Variants in ATF3 observed in about 807,000 individuals in gnomAD.
ATF3 encodes cyclic AMP-dependent transcription factor ATF-3.
ATF3 carries 10 observed loss-of-function variants against 18.4 expected under a neutral mutation model. The observed-to-expected ratio is 0.54, with a 90% confidence interval of 0.34 to 0.92. The LOEUF is 0.92. ATF3 is among the 40% of genes least tolerant of loss of function. ATF3 has a pLI of 0.02. For missense variants in ATF3, 183 were observed against 222.3 expected, an observed-to-expected ratio of 0.82 and a Z score of 1.12; for synonymous variants, 78 against 87.9, an observed-to-expected ratio of 0.89 and a Z score of 0.63.
At chr1:212,577,721 C>T (rs1664607304) in intron 1 of ATF3, among the ~76,000 whole-genome samples, 2 of 152,172 alleles carry the variant, frequency 1.3e-5, no homozygotes, top group Admixed American at 6.5e-5. Flanking sequence ...ATAATGTCCT[C>T]CAGATTCATC....
chr1:212,614,396 A>G (rs1002769015), intron 1 of ATF3, among the ~76,000 whole-genome samples: 7 of 152,150 alleles, frequency 4.6e-5, no homozygotes, highest in African/African-American at 1.7e-4. Context: ...GCACCTGGCT[A>G]CAGTTACCTT....
At chr1:212,608,078 T>A (rs1571781637), upstream of ATF3, among the ~76,000 whole-genome samples, 1 of 152,100 alleles carries the variant, frequency 6.6e-6, no homozygotes, top group Non-Finnish European at 1.5e-5. Context: ...CTTCTCGCGG[T>A]CCCCGCCGCA....
At chr1:212,598,632 G>C (rs550716367) in intron 1 of ATF3, among the ~76,000 whole-genome samples, 11 of 152,198 alleles carry the variant, frequency 7.2e-5, no homozygotes, top group African/African-American at 2.4e-4. Context: ...CCAGCCTCTG[G>C]TAACCATCCT....
intron 1 of ATF3, among the ~76,000 whole-genome samples, chr1:212,566,803 C>G (rs685330): frequency 0.29 from 44,390 of 152,056 alleles, 6,728 homozygotes; most frequent in South Asian, 0.35. Flanking sequence ...ATTGAGCAGC[C>G]TCCTGGTTCC....
intron 1 of ATF3, among the ~76,000 whole-genome samples, chr1:212,601,787 T>C (rs796562334): frequency 1.6e-4 from 25 of 152,314 alleles, no homozygotes; most frequent in African/African-American, 6.0e-4. Flanking sequence ...GCCTGAGAGA[T>C]GGAACTTTCC....
chr1:212,577,667 T>C (rs1484185348), intron 1 of ATF3, among the ~76,000 whole-genome samples: 3 of 151,980 alleles, frequency 2.0e-5, no homozygotes, highest in African/African-American at 7.3e-5. Flanking sequence ...ATGAGTGAGA[T>C]CACGTAGTAT....
At chr1:212,576,230 A>T (rs1664573978) in intron 1 of ATF3, among the ~76,000 whole-genome samples, 3 of 151,992 alleles carry the variant, frequency 2.0e-5, no homozygotes, top group Non-Finnish European at 2.9e-5. Flanking sequence ...TTCCATATTT[A>T]TTCAGATGCA....
intron 1 of ATF3, among the ~76,000 whole-genome samples, chr1:212,581,748 C>T (rs1410438254): frequency 6.6e-6 from 1 of 151,998 alleles, no homozygotes; most frequent in Non-Finnish European, 1.5e-5. Flanking sequence ...TTAATATATA[C>T]ATGTGAAATA....
chr1:212,608,668 G>C (rs938293869), upstream of ATF3: 5 of 152,354 alleles, frequency 3.3e-5, no homozygotes, highest in African/African-American at 1.2e-4. Context: ...GCTATTAATA[G>C]CATTACGTCA....
intron 1 of ATF3, among the ~76,000 whole-genome samples, chr1:212,584,745 A>G (rs1296513275): frequency 1.3e-5 from 2 of 152,192 alleles, no homozygotes; most frequent in Non-Finnish European, 2.9e-5. Flanking sequence ...TCATCATGCT[A>G]TGCTGGAGTT....
At chr1:212,617,071 A>G (rs1222156930) in intron 2 of ATF3, among the ~76,000 whole-genome samples, 1 of 152,190 alleles carries the variant, frequency 6.6e-6, no homozygotes, top group African/African-American at 2.4e-5. Context: ...ACTTAAAGCC[A>G]TGAGTCAGGA....
At chr1:212,589,954 G>GT (rs1382169480) in intron 1 of ATF3, among the ~76,000 whole-genome samples, 3 of 152,054 alleles carry the variant, frequency 2.0e-5, no homozygotes, top group Non-Finnish European at 4.4e-5. Flanking sequence ...CATCTAGGAT[G>GT]TAACAGTGAA....
At chr1:212,605,429 C>T (rs566713292), upstream of ATF3, among the ~76,000 whole-genome samples, 22 of 152,330 alleles carry the variant, frequency 1.4e-4, no homozygotes, top group East Asian at 3.9e-3. Context: ...CGTTCCAAAG[C>T]GAAGAAGTAG....
At chr1:212,614,586 T>G (rs1458445829) in intron 1 of ATF3, among the ~76,000 whole-genome samples, 1 of 85,912 alleles carries the variant, frequency 1.2e-5, no homozygotes, top group Non-Finnish European at 2.5e-5. Flanking sequence ...TTTTGAGTAA[T>G]ATACAAAAAA....
intron 1 of ATF3, among the ~76,000 whole-genome samples, chr1:212,587,469 G>A (rs893911749): frequency 6.6e-6 from 1 of 152,096 alleles, no homozygotes; most frequent in African/African-American, 2.4e-5. Flanking sequence ...GTTATGTGAC[G>A]CAAACCACAA....
intron 1 of ATF3, 88 bp from the exon 2 acceptor site, chr1:212,614,930 T>G: frequency 6.2e-7 from 1 of 1,610,724 alleles, no homozygotes; most frequent in Non-Finnish European, 8.5e-7. Flanking sequence ...AGGGTGGGGC[T>G]CTGGTGTTGG....
At chr1:212,590,543 A>G (rs145404231) in intron 1 of ATF3, among the ~76,000 whole-genome samples, 1,586 of 152,246 alleles carry the variant, frequency 0.01, 16 homozygotes, top group Middle Eastern at 0.017. Flanking sequence ...GTGTGGGGTG[A>G]GCCCTGCTAG....
intron 1 of ATF3, among the ~76,000 whole-genome samples, chr1:212,574,836 C>T (rs369447635): frequency 3.8e-4 from 58 of 152,094 alleles, no homozygotes; most frequent in African/African-American, 1.3e-3. Context: ...GGCTTTTGTT[C>T]GGTTCCATTA....
At chr1:212,567,008 T>G (rs61830687) in intron 1 of ATF3, among the ~76,000 whole-genome samples, 1 of 152,224 alleles carries the variant, frequency 6.6e-6, no homozygotes, top group Non-Finnish European at 1.5e-5. Flanking sequence ...ATAAACAGAT[T>G]AACCTAGGGG....
Sources: allele counts gnomAD v4.1 joint callset (sites outside exome capture counted in the v4.1 genomes callset), GRCh38; gene constraint gnomAD v4.1.1; transcripts MANE v1.5; gene names NCBI Gene and HGNC (gene_info 2026-07-23, HGNC 2026-07-21).